The following NOL7 variants were observed in gnomAD, a reference collection of about 807,000 sequenced individuals.
NOL7 encodes the protein nucleolar protein 7.
In NOL7, 36 loss-of-function variants were observed where a neutral mutation model predicts 38.4. That is an observed-to-expected ratio of 0.94 (90% CI 0.72 to 1.24). The LOEUF is 1.24. NOL7 is among the 50% of genes most tolerant of loss of function. NOL7 has a pLI of 0.00. For missense variants in NOL7, 350 were observed against 315.1 expected, an observed-to-expected ratio of 1.11 and a Z score of -0.84; for synonymous variants, 142 against 126.5, an observed-to-expected ratio of 1.12 and a Z score of -0.82.
At position 13,618,046 on chromosome 6, in the gene NOL7, T is replaced by A; in HGVS notation, c.419-12T>A. ...GTGAATGCTAATTAGAAAATGTAAC[T>A]CTATTTTTTAGTTAATTTGCAAAAG... On this transcript the variant is annotated splice_polypyrimidine_tract_variant and intron_variant, in intron 4 of 7. Coordinates refer to ENST00000451315, the MANE Select transcript of NOL7 (RefSeq NM_016167.5). The A allele has an allele frequency of 7.2e-7, 1 of 1,393,566 alleles. No homozygotes were observed. Among genetic ancestry groups the A allele is most frequent in the Non-Finnish European group, 1.0e-6 (1 of 990,316 alleles). 86.3% of individuals were successfully genotyped at this position (1,393,566 alleles called of 1,614,324 possible). A position where few individuals can be genotyped will look rare whatever the true frequency, so the allele number is the denominator to read the frequency against.
downstream of NOL7, chr6:13,622,609 A>G: frequency 2.7e-6 from 3 of 1,091,398 alleles, no homozygotes; most frequent in East Asian, 2.8e-5. Flanking sequence ...CCACTCTGAA[A>G]TATCAGCAAA....
chr6:13,625,098 TTC>T (rs1764564592), downstream of NOL7, among the ~76,000 whole-genome samples: 1 of 152,212 alleles, frequency 6.6e-6, no homozygotes, highest in African/African-American at 2.4e-5. Context: ...TCCATTTTCA[TTC>T]TCTCCATCAA....
downstream of NOL7, among the ~76,000 whole-genome samples, chr6:13,624,563 T>C (rs1416589641): frequency 3.3e-5 from 5 of 152,230 alleles, no homozygotes; most frequent in Non-Finnish European, 5.9e-5. Context: ...AAACTTGTTT[T>C]ATGTAAACAA....
downstream of NOL7, among the ~76,000 whole-genome samples, chr6:13,623,799 TTAA>T (rs569784064): frequency 1.5e-3 from 221 of 152,332 alleles, no homozygotes; most frequent in African/African-American, 4.7e-3. Flanking sequence ...TACATTTATA[TTAA>T]TAAGATTAAG....
Position 13,620,781 on chromosome 6 carries a change from G to A in NOL7, c.728G>A (p.Arg243Lys), listed in dbSNP as rs756154716. 3.1e-6 allele frequency: 5 copies of A among 1,602,744 alleles called. No homozygotes were observed. The highest frequency in any genetic ancestry group is 3.3e-4 in the Middle Eastern group (2 of 6,014). The change falls in exon 8 of 8, where the codon AGG becomes AAG. Residue 243 changes from arginine (R) to lysine (K), a missense_variant. Arg to Lys is a conservative substitution (Grantham distance 26, BLOSUM62 2). Transcript: ENST00000451315. The part of the protein sequence containing the change: ...WGIQKKQNAK[R>K]FKRRWMVRKM... ...ATCCAAAAAAAACAAAATGCCAAGA[G>A]GTTTAAAAGACGGTGGATGGTCAGA...
At chr6:13,632,343 T>G (rs190297039) in intron 8 of NOL7, 301 of 1,603,108 alleles carry the variant, frequency 1.9e-4, no homozygotes, top group Admixed American at 2.4e-4. Flanking sequence ...GACATATTCA[T>G]AATTTTTCAA....
At position 13,615,380 on chromosome 6, in the gene NOL7, G is replaced by T; in HGVS notation, c.22G>T (p.Ala8Ser). MVQLRPR[A>S]SRAPASAEAM... ...GGCCATGGTGCAGCTCCGACCGCGA[G>T]CGTCTCGCGCCCCGGCGTCGGCGGA... The change falls in exon 1 of 8, where the codon GCG becomes TCG. Residue 8 changes from alanine to serine, a missense_variant. By Grantham distance (99) the Ala-to-Ser change is moderately conservative. Transcript: ENST00000451315. 6.6e-7 allele frequency: 1 copy of T among 1,518,038 alleles called. No individual in the cohort carries two copies. The highest frequency in any genetic ancestry group is 8.8e-7 in the Non-Finnish European group (1 of 1,135,016). 94.0% of individuals were successfully genotyped at this position (1,518,038 alleles called of 1,614,324 possible). A position where few individuals can be genotyped will look rare whatever the true frequency, so the allele number is the denominator to read the frequency against.
At chr6:13,625,693 C>A (rs747896275), downstream of NOL7, 1 of 1,613,236 alleles carries the variant, frequency 6.2e-7, no homozygotes, top group South Asian at 1.1e-5. Flanking sequence ...CAGGTTCTCT[C>A]TGAATCGGGT....
At chr6:13,631,716 A>AC (rs1256195027) in intron 8 of NOL7, among the ~76,000 whole-genome samples, 1 of 152,226 alleles carries the variant, frequency 6.6e-6, no homozygotes, top group African/African-American at 2.4e-5. Flanking sequence ...AAAGAGCTGT[A>AC]CATCTCTACA....
At chr6:13,620,107 T>C in intron 5 of NOL7, 101 bp from the exon 6 acceptor site, 1 of 1,316,990 alleles carries the variant, frequency 7.6e-7, no homozygotes, top group South Asian at 1.5e-5. Flanking sequence ...TGAGCTGAGA[T>C]CGCGCAGCCT....
At chr6:13,626,732 G>C (rs1764616738) in intron 8 of NOL7, among the ~76,000 whole-genome samples, 1 of 152,140 alleles carries the variant, frequency 6.6e-6, no homozygotes, top group African/African-American at 2.4e-5. Flanking sequence ...ACAACACTTT[G>C]AAAATACTGA....
Position 13,620,401 on chromosome 6 carries a change from T to C in NOL7, c.623-7T>C. On this transcript the variant is annotated splice_region_variant and splice_polypyrimidine_tract_variant and intron_variant, in intron 6 of 7. Transcript: ENST00000451315. ...ACTGTGAAATGATAAATACCTTTCT[T>C]TTCTAGTAAATAAGTTCCTGTCTCT... The C allele has an allele frequency of 3.7e-6, 6 of 1,614,100 alleles. No homozygotes were observed. Among genetic ancestry groups the C allele is most frequent in the African/African-American group, 1.3e-5 (1 of 75,056 alleles).
intron 8 of NOL7, among the ~76,000 whole-genome samples, chr6:13,628,149 G>A (rs536197667): frequency 6.6e-6 from 1 of 152,176 alleles, no homozygotes; most frequent in Non-Finnish European, 1.5e-5. Context: ...CTATCATCTA[G>A]AGAAGCAAAC....
chr6:13,630,689 C>G (rs1764754935), intron 8 of NOL7, among the ~76,000 whole-genome samples: 2 of 152,118 alleles, frequency 1.3e-5, no homozygotes, highest in South Asian at 4.1e-4. Flanking sequence ...TTTCCTCTGA[C>G]TATATAGTGG....
intron 4 of NOL7, 105 bp downstream of exon 4, chr6:13,617,906 G>T: frequency 8.5e-7 from 1 of 1,180,030 alleles, no homozygotes; most frequent in South Asian, 1.2e-5. Context: ...CATGGGCCTG[G>T]CCAAGGTTAG....
Position 13,617,781 on chromosome 6 carries a change from C to G in NOL7, c.398C>G (p.Ser133Trp). Residue 133 changes from serine to tryptophan, a missense_variant, in exon 4 of 8, where the codon TCG (serine) becomes TGG (tryptophan). Coordinates refer to ENST00000451315, the MANE Select transcript of NOL7 (RefSeq NM_016167.5). ...TTTTTTTTCCTTAGCATCAAGAAAT[C>G]GCCAGGAAAGGTGAAAGAAGGTATG... is the stretch of plus-strand genomic sequence containing the variant. ...TTASQTNIKKSPGKVKEVNLQ... is the reference protein window; with the variant it reads ...TTASQTNIKKWPGKVKEVNLQ... 1 of 1,613,532 alleles carries G rather than the reference C, an allele frequency of 6.2e-7. No individual in the cohort carries two copies. Among genetic ancestry groups the G allele is most frequent in the South Asian group, 1.1e-5 (1 of 91,050 alleles).
In NOL7 at chr6:13,628,181, G is replaced by A. The variant is rs144736095; in HGVS notation, n.574-4212G>A. ...AAACTGAGGCAGTGAATAGTAAGATGCAGATTCTTTTAGTTACCAATCTAA... is the reference window on the plus strand; with the variant it reads ...AAACTGAGGCAGTGAATAGTAAGATACAGATTCTTTTAGTTACCAATCTAA... On this transcript the variant is annotated intron_variant and non_coding_transcript_variant, in intron 8 of 8. Transcript: ENST00000474485. 3.7e-3 allele frequency among the ~76,000 whole-genome samples: 557 copies of A among 152,298 alleles called. 3 individuals are homozygous for A. Among genetic ancestry groups the A allele is most frequent in the African/African-American group, 0.013 (530 of 41,548 alleles).
rs982282157 is a variant in NOL7 at position 13,618,372 on chromosome 6, C to T, written c.500+233C>T. On this transcript the variant is annotated intron_variant, in intron 5 of 7. Coordinates refer to ENST00000451315, the MANE Select transcript of NOL7 (RefSeq NM_016167.5). ...ACGCCATTCTCCTGCCTCAGCCTCC[C>T]GAGTAGCTGGGACTACAGGCGCCCG... Among the ~76,000 whole-genome samples, 16 of 151,744 alleles carry T rather than the reference C, an allele frequency of 1.1e-4. No individual in the cohort carries two copies. The East Asian group carries it at 2.7e-3, about 26-fold the overall frequency.
At chr6:13,625,858 G>A, downstream of NOL7, 2 of 839,320 alleles carry the variant, frequency 2.4e-6, no homozygotes, top group Non-Finnish European at 2.0e-6. Flanking sequence ...ATGGCTTCCA[G>A]GCACAGACTA....
Sources: gnomAD v4.1 joint callset for allele counts (sites outside exome capture counted in the v4.1 genomes callset) on GRCh38, gnomAD v4.1.1 for gene constraint, MANE v1.5 for transcripts, NCBI Gene and HGNC (gene_info 2026-07-23, HGNC 2026-07-21) for gene names.